RPS6KA5: variants seen among roughly 807,000 people sequenced by gnomAD.
The protein encoded by RPS6KA5 is ribosomal protein S6 kinase A5.
A neutral mutation model predicts 85.5 loss-of-function variants in RPS6KA5; 27 were observed. That is an observed-to-expected ratio of 0.32 (90% CI 0.23 to 0.44). RPS6KA5 has a LOEUF of 0.44. RPS6KA5 is among the 20% of genes least tolerant of loss of function. The pLI, the probability that RPS6KA5 is intolerant of heterozygous loss-of-function variation, is 1.00. For synonymous variants in RPS6KA5, 334 were observed against 348.2 expected, an observed-to-expected ratio of 0.96 and a Z score of 0.46; for missense variants, 811 against 980.9, an observed-to-expected ratio of 0.83 and a Z score of 2.31.
intron 16 of RPS6KA5, among the ~76,000 whole-genome samples, chr14:90,872,755 C>A (rs2033204871): frequency 6.6e-6 from 1 of 152,172 alleles, no homozygotes; most frequent in South Asian, 2.1e-4. Context: ...TCTTCAGTCC[C>A]ATTCAATGTC....
chr14:91,059,145 T>C (rs553096998), intron 1 of RPS6KA5, among the ~76,000 whole-genome samples: 33 of 151,364 alleles, frequency 2.2e-4, no homozygotes, highest in African/African-American at 7.8e-4. Context: ...CTGACCAACG[T>C]GGAGAGGACC....
At position 90,850,043 on chromosome 14, in the gene RPS6KA5, C is replaced by T. The variant is rs1416833753; in HGVS notation, c.*22031G>A. On this transcript the variant is annotated 3_prime_UTR_variant, in exon 17 of 17. Coordinates refer to ENST00000614987, the MANE Select transcript of RPS6KA5 (RefSeq NM_004755.4). The stretch of plus-strand genomic sequence containing the variant: ...TTTAAAACAAAGGAATCCCCAGTCT[C>T]TTTGAAGTATGTGCCTTAGAAGGAA... 6.6e-6 allele frequency: 1 copy of T among 152,232 alleles called. No individual in the cohort carries two copies. The allele number at this position is 152,232 out of a possible 1,614,324, so 9.4% of individuals were successfully genotyped here. A position where few individuals can be genotyped will look rare whatever the true frequency, so the allele number is the denominator to read the frequency against.
chr14:90,872,199 T>C lies in RPS6KA5; in HGVS notation c.2284A>G (p.Ser762Gly). Reference protein sequence around the residue: ...STETRSSSSESSHSSSSHSHG... With the variant: ...STETRSSSSEGSHSSSSHSHG... ...GAATGAGAGGAAGAAGAATGGGAAC[T>C]CTCACTGGAACTGCTGCGCGTCTCG... Residue 762 changes from serine (S) to glycine (G), a missense_variant, in exon 17 of 17, where the codon AGT (serine) becomes GGT (glycine). Ser to Gly is a moderately conservative substitution (Grantham distance 56). This residue lies in a region of RPS6KA5 where 650 missense variants were observed against 793.4 expected (regional missense o/e 0.82). Coordinates refer to ENST00000614987, the MANE Select transcript of RPS6KA5 (RefSeq NM_004755.4). 6.2e-7 allele frequency: 1 copy of C among 1,613,886 alleles called. No homozygotes were observed. The highest frequency in any genetic ancestry group is 1.1e-5 in the South Asian group (1 of 91,048).
rs2032573916 is a variant in RPS6KA5 at position 90,861,894 on chromosome 14, A to AC, written c.*10179_*10180insG. The AC allele has an allele frequency of 7.0e-6, 1 of 143,028 alleles. No individual in the cohort carries two copies. Among genetic ancestry groups the AC allele is most frequent in the Non-Finnish European group, 1.5e-5 (1 of 66,434 alleles). 8.9% of individuals were successfully genotyped at this position (143,028 alleles called of 1,614,324 possible). A position where few individuals can be genotyped will look rare whatever the true frequency, so the allele number is the denominator to read the frequency against. ...GCCTGGCGACAAAGACTCCATCTCA[A>AC]AAAAAAAAAAAAAAAAGGGGAAAAC... On this transcript the variant is annotated 3_prime_UTR_variant, in exon 17 of 17. Transcript: ENST00000614987.
At chr14:90,883,049 C>T (rs774214577) in intron 14 of RPS6KA5, among the ~76,000 whole-genome samples, 6 of 152,058 alleles carry the variant, frequency 3.9e-5, no homozygotes, top group South Asian at 2.1e-4. Context: ...CAGCCCACCT[C>T]GGCCTCCCAA....
At chr14:90,917,830 G>A (rs1288756907) in intron 7 of RPS6KA5, among the ~76,000 whole-genome samples, 1 of 152,020 alleles carries the variant, frequency 6.6e-6, no homozygotes. Flanking sequence ...CTCAGCAACT[G>A]TGACTACAGG....
At chr14:90,903,692 T>C (rs1595170719) in intron 8 of RPS6KA5, among the ~76,000 whole-genome samples, 3 of 152,338 alleles carry the variant, frequency 2.0e-5, no homozygotes, top group Admixed American at 2.0e-4. Flanking sequence ...CTTCTATCAT[T>C]TAAAACAATC....
At position 90,945,235 on chromosome 14, in the gene RPS6KA5, G is replaced by A. The variant is rs1231720550; in HGVS notation, c.511-2050C>T. ...CCACTGCACTCCAGCCTGGGCAACA[G>A]AGTAAGACCCTGTATCAACACAACA... is the stretch of plus-strand genomic sequence containing the variant. On this transcript the variant is annotated intron_variant, in intron 4 of 16. Coordinates refer to ENST00000614987, the MANE Select transcript of RPS6KA5 (RefSeq NM_004755.4). Among the ~76,000 whole-genome samples the A allele has an allele frequency of 2.6e-5, 4 of 152,188 alleles. No homozygotes were observed. In the South Asian group the frequency reaches 8.3e-4, roughly 32 times the overall value.
intron 3 of RPS6KA5, among the ~76,000 whole-genome samples, chr14:90,956,432 T>C (rs1289936609): frequency 1.3e-5 from 2 of 152,170 alleles, no homozygotes; most frequent in Non-Finnish European, 2.9e-5. Context: ...AGTGTATCTT[T>C]TGTAAACAGC....
chr14:91,040,035 G>A (rs939075429), intron 1 of RPS6KA5, among the ~76,000 whole-genome samples: 2 of 152,200 alleles, frequency 1.3e-5, no homozygotes, highest in Admixed American at 6.5e-5. Flanking sequence ...TTGGTGGGTG[G>A]GGAGAATGTG....
chr14:90,968,018 C>T (rs901167054), intron 3 of RPS6KA5, among the ~76,000 whole-genome samples: 1 of 152,144 alleles, frequency 6.6e-6, no homozygotes. Context: ...GTGGCGTAAA[C>T]ACTATGAATT....
At chr14:90,978,144 C>T (rs1186897499) in intron 3 of RPS6KA5, among the ~76,000 whole-genome samples, 162 bp downstream of exon 3, 2 of 152,104 alleles carry the variant, frequency 1.3e-5, no homozygotes, top group Admixed American at 6.5e-5. Flanking sequence ...GGCCTCAAAT[C>T]CAGAGCAATG....
At chr14:90,922,977 A>G (rs1042567595) in intron 6 of RPS6KA5, 136 bp downstream of exon 6, 6 of 627,918 alleles carry the variant, frequency 9.6e-6, no homozygotes, top group Non-Finnish European at 1.7e-5. Context: ...ATACAAAGCA[A>G]AAGAGAAAAA....
chr14:90,994,916 C>A (rs1476557118), intron 2 of RPS6KA5, among the ~76,000 whole-genome samples: 1 of 151,996 alleles, frequency 6.6e-6, no homozygotes, highest in East Asian at 1.9e-4. Flanking sequence ...GTAAAACTTT[C>A]TTTGCTATTT....
chr14:90,978,479 G>T lies in RPS6KA5; in HGVS notation c.221C>A (p.Thr74Asn). ...FLVRKISGHD[T>N]GKLYAMKVLK... ...AACTTTCATGGCATACAGCTTTCCA[G>T]TATCATGGCCACTTATTTTACGAAC... The change falls in exon 3 of 17, where the codon ACT (threonine) becomes AAT (asparagine). Residue 74 changes from threonine (T) to asparagine (N), a missense_variant. Physicochemically the swap from Thr to Asn is moderately conservative, Grantham distance 65 (BLOSUM62 0). Coordinates refer to ENST00000614987, the MANE Select transcript of RPS6KA5 (RefSeq NM_004755.4). The T allele has an allele frequency of 6.2e-7, 1 of 1,611,312 alleles. No homozygotes were observed. The highest frequency in any genetic ancestry group is 1.1e-5 in the South Asian group (1 of 90,164).
At chr14:90,920,179 C>T (rs777406691) in intron 7 of RPS6KA5, 27 bp downstream of exon 7, 6 of 1,313,316 alleles carry the variant, frequency 4.6e-6, no homozygotes, top group Non-Finnish European at 3.3e-6. Context: ...GAAAACAATG[C>T]ATTTATTTTA....
intron 1 of RPS6KA5, among the ~76,000 whole-genome samples, chr14:91,021,557 C>T (rs1486135704): frequency 6.6e-6 from 1 of 152,132 alleles, no homozygotes; most frequent in Non-Finnish European, 1.5e-5. Context: ...GGATTACAGA[C>T]ACATGCCACC....
intron 3 of RPS6KA5, among the ~76,000 whole-genome samples, chr14:90,953,182 T>C (rs915197625): frequency 5.9e-5 from 9 of 152,246 alleles, no homozygotes; most frequent in Non-Finnish European, 7.3e-5. Flanking sequence ...GATTTCATTT[T>C]AATATGGACA....
At chr14:91,044,872 A>AAAAAAAAAAG (rs1378436940) in intron 1 of RPS6KA5, among the ~76,000 whole-genome samples, 19 of 152,144 alleles carry the variant, frequency 1.2e-4, no homozygotes, top group Admixed American at 1.2e-3. Context: ...CGTGTCAAAA[A>AAAAAAAAAAG]AAAAAAAAAG....
Sources: gnomAD v4.1 joint callset for allele counts (sites outside exome capture counted in the v4.1 genomes callset) on GRCh38, gnomAD v4.1.1 for gene constraint, gnomAD v4.1.1 regional missense constraint, MANE v1.5 for transcripts, NCBI Gene and HGNC (gene_info 2026-07-23, HGNC 2026-07-21) for gene names.